Variants in ARIH1 observed in about 807,000 individuals in gnomAD.
ARIH1 encodes ariadne RBR E3 ubiquitin protein ligase 1.
In ARIH1, 8 loss-of-function variants were observed where a neutral mutation model predicts 85.0. That is an observed-to-expected ratio of 0.09 (90% CI 0.06 to 0.17). The LOEUF (loss-of-function observed/expected upper bound fraction) is 0.17. ARIH1 is among the 10% of genes least tolerant of loss of function. The pLI, the probability that ARIH1 is intolerant of heterozygous loss-of-function variation, is 1.00. For synonymous variants in ARIH1, 238 were observed against 253.6 expected (o/e 0.94, Z 0.59); for missense variants, 311 against 718.1 (o/e 0.43, Z 6.48).
At chr15:72,504,593 C>G (rs543063811) in intron 1 of ARIH1, among the ~76,000 whole-genome samples, 1 of 152,224 alleles carries the variant, frequency 6.6e-6, no homozygotes, top group East Asian at 1.9e-4. Context: ...AGCCGCTTCT[C>G]TCGTTCGTCT....
At chr15:72,497,363 A>G (rs1424228227) in intron 1 of ARIH1, among the ~76,000 whole-genome samples, 5 of 152,206 alleles carry the variant, frequency 3.3e-5, no homozygotes, top group Admixed American at 6.5e-5. Flanking sequence ...TATGAGGAAG[A>G]TTAAGAAATT....
chr15:72,557,112 TTTTTTG>T (rs1408739285), intron 5 of ARIH1, among the ~76,000 whole-genome samples: 1 of 152,162 alleles, frequency 6.6e-6, no homozygotes, highest in East Asian at 1.9e-4. Context: ...TTTAAAATTA[TTTTTTG>T]TTTAATTTTT....
chr15:72,579,483 T>C (rs2140439705), intron 11 of ARIH1, among the ~76,000 whole-genome samples: 1 of 152,296 alleles, frequency 6.6e-6, no homozygotes, highest in Middle Eastern at 3.4e-3. Flanking sequence ...TATCTCTGCT[T>C]TTTGCTTGTT....
intron 9 of ARIH1, 120 bp downstream of exon 9, chr15:72,567,297 G>GT (rs2064225057): frequency 1.5e-6 from 1 of 668,402 alleles, no homozygotes; most frequent in South Asian, 2.2e-5. Flanking sequence ...TCTCCATTGA[G>GT]TCTTTTTTTT....
intron 10 of ARIH1, 53 bp from the exon 11 acceptor site, chr15:72,572,055 T>C (rs1185104432): frequency 7.8e-6 from 10 of 1,284,838 alleles, no homozygotes; most frequent in East Asian, 2.3e-5. Flanking sequence ...TTTTTTTTTT[T>C]CCTTTTCATT....
At chr15:72,528,845 C>G (rs899435253) in intron 2 of ARIH1, among the ~76,000 whole-genome samples, 2 of 152,002 alleles carry the variant, frequency 1.3e-5, no homozygotes, top group Non-Finnish European at 2.9e-5. Flanking sequence ...AAGTGAGACC[C>G]TGTCTCAGAC....
At chr15:72,507,838 TTAAAG>T (rs1295300336) in intron 1 of ARIH1, among the ~76,000 whole-genome samples, 3 of 152,178 alleles carry the variant, frequency 2.0e-5, no homozygotes, top group Admixed American at 6.5e-5. Flanking sequence ...ATGCAAAACT[TTAAAG>T]TAAATACAGC....
In ARIH1 at chr15:72,589,590, T is replaced by G. The variant is rs2140444208; in HGVS notation, c.*6298T>G. On this transcript the variant is annotated 3_prime_UTR_variant, in exon 14 of 14. Coordinates refer to ENST00000379887, the MANE Select transcript of ARIH1 (RefSeq NM_005744.5). ...TCCTGACACATGTAGACAGAACCAA[T>G]CAGATCCATGGGGCAGGATCATCAA... 1 of 152,320 alleles carries G rather than the reference T, an allele frequency of 6.6e-6. No homozygotes were observed. Among genetic ancestry groups the G allele is most frequent in the Admixed American group, 6.5e-5 (1 of 15,304 alleles). 9.4% of individuals were successfully genotyped at this position (152,320 alleles called of 1,614,324 possible).
intron 1 of ARIH1, among the ~76,000 whole-genome samples, chr15:72,492,097 A>G (rs1218839447): frequency 2.0e-5 from 3 of 152,190 alleles, no homozygotes; most frequent in Non-Finnish European, 4.4e-5. Flanking sequence ...TACAGCTTAC[A>G]TATGTACCAT....
At chr15:72,489,008 T>C (rs1567337579) in intron 1 of ARIH1, among the ~76,000 whole-genome samples, 1 of 152,148 alleles carries the variant, frequency 6.6e-6, no homozygotes, top group African/African-American at 2.4e-5. Context: ...TTTGGGAGGT[T>C]GAGGCCAGAG....
intron 3 of ARIH1, among the ~76,000 whole-genome samples, chr15:72,549,929 G>A (rs1003468523): frequency 1.6e-4 from 25 of 152,178 alleles, no homozygotes; most frequent in African/African-American, 4.6e-4. Flanking sequence ...AAAGCCCAGG[G>A]AGCCATGTAG....
intron 2 of ARIH1, among the ~76,000 whole-genome samples, chr15:72,526,528 C>T (rs2064029201): frequency 6.6e-6 from 1 of 152,136 alleles, no homozygotes; most frequent in Non-Finnish European, 1.5e-5. Flanking sequence ...CCAGGAGTTC[C>T]AGACCAGCCT....
At chr15:72,518,368 G>T (rs969521941) in intron 2 of ARIH1, among the ~76,000 whole-genome samples, 7 of 47,792 alleles carry the variant, frequency 1.5e-4, no homozygotes, top group Non-Finnish European at 1.5e-3. Context: ...TGTGTGTTTG[G>T]GGGTGTGCTT....
chr15:72,498,114 C>G (rs2063887165), intron 1 of ARIH1, among the ~76,000 whole-genome samples: 1 of 152,040 alleles, frequency 6.6e-6, no homozygotes, highest in South Asian at 2.1e-4. Context: ...CTAAATAGAT[C>G]ACAAAAGGGG....
intron 6 of ARIH1, among the ~76,000 whole-genome samples, chr15:72,561,856 C>A (rs572345424): frequency 6.6e-6 from 1 of 152,266 alleles, no homozygotes; most frequent in East Asian, 1.9e-4. Context: ...GCCTGTAATC[C>A]GAGCTACTCG....
intron 11 of ARIH1, 108 bp downstream of exon 11, chr15:72,572,273 T>A: frequency 1.3e-6 from 1 of 783,526 alleles, no homozygotes; most frequent in Non-Finnish European, 2.1e-6. Context: ...TGTCTCGCTT[T>A]GTCGCCCAGG....
At chr15:72,543,603 T>C (rs994072058) in intron 2 of ARIH1, among the ~76,000 whole-genome samples, 2 of 152,190 alleles carry the variant, frequency 1.3e-5, no homozygotes, top group African/African-American at 2.4e-5. Flanking sequence ...TTTGTTCTCA[T>C]TTGAATGATT....
At chr15:72,511,238 A>G (rs2063949372) in intron 1 of ARIH1, among the ~76,000 whole-genome samples, 1 of 152,108 alleles carries the variant, frequency 6.6e-6, no homozygotes. Context: ...TGTAAGTGGC[A>G]CTTTAAATTT....
In ARIH1 at chr15:72,597,615, T is replaced by A. The variant is rs529225213; in HGVS notation, c.*14323T>A. On this transcript the variant is annotated 3_prime_UTR_variant, in exon 14 of 14. Transcript: ENST00000379887. The stretch of plus-strand genomic sequence containing the variant: ...AACAATCCTGCCTCCCCTTTCATTT[T>A]TAAAGGGTATTTTGCCCTTGGGAGA... 4 of 152,154 alleles carry A rather than the reference T, an allele frequency of 2.6e-5. No homozygotes were observed. The highest frequency in any genetic ancestry group is 5.9e-5 in the Non-Finnish European group (4 of 68,042). 9.4% of individuals were successfully genotyped at this position (152,154 alleles called of 1,614,324 possible).
Sources: gnomAD v4.1 joint callset for allele counts (sites outside exome capture counted in the v4.1 genomes callset) on GRCh38, gnomAD v4.1.1 for gene constraint, MANE v1.5 for transcripts, NCBI Gene and HGNC (gene_info 2026-07-23, HGNC 2026-07-21) for gene names.